The following ARHGAP6 variants were observed in gnomAD, a reference collection of about 807,000 sequenced individuals.
ARHGAP6 encodes rho GTPase-activating protein 6.
ARHGAP6 carries 16 observed loss-of-function variants against 55.7 expected under a neutral mutation model. The observed-to-expected ratio is 0.29, with a 90% CI of 0.19 to 0.44. The LOEUF is 0.44. Ranked by LOEUF, ARHGAP6 falls within the 20% of genes least tolerant of loss-of-function variation. ARHGAP6 has a pLI of 1.00. For missense variants in ARHGAP6, 698 were observed against 808.9 expected, an observed-to-expected ratio of 0.86 and a Z score of 1.66; for synonymous variants, 382 against 360.9, an observed-to-expected ratio of 1.06 and a Z score of -0.66.
At chrX:11,246,961 C>A (rs1288115400) in intron 2 of ARHGAP6, among the ~76,000 whole-genome samples, 2 of 112,071 alleles carry the variant, frequency 1.8e-5, no homozygotes, top group Non-Finnish European at 3.8e-5. Flanking sequence ...TATAAACACC[C>A]AATCTCAATT....
intron 1 of ARHGAP6, among the ~76,000 whole-genome samples, chrX:11,354,327 C>CTATATATATATATATA (rs1174449401): frequency 2.2e-4 from 7 of 32,344 alleles, no homozygotes; most frequent in African/African-American, 5.4e-4. Flanking sequence ...CTCTCTCTCT[C>CTATATATATATATATA]TATATATATA....
Position 11,370,147 on chromosome X carries a change from A to G in ARHGAP6, c.589-115440T>C, listed in dbSNP as rs73498720. Among the ~76,000 whole-genome samples the G allele has an allele frequency of 7.7e-3, 866 of 112,438 alleles. 11 individuals are homozygous for G. The highest frequency in any genetic ancestry group is 0.027 in the African/African-American group (824 of 31,005). On this transcript the variant is annotated intron_variant, in intron 1 of 12. Transcript: ENST00000337414. ...TACCAGAAGAAAGAGAATGAATATT[A>G]GAAAAATAGAAAAGTTTAATAGACC...
At chrX:11,443,048 C>T (rs768534615) in intron 1 of ARHGAP6, among the ~76,000 whole-genome samples, 1 of 111,486 alleles carries the variant, frequency 9.0e-6, no homozygotes, top group South Asian at 3.8e-4. Context: ...CAAAGTGAAC[C>T]CCCTGTATAA....
intron 1 of ARHGAP6, among the ~76,000 whole-genome samples, chrX:11,630,106 AAAGCTTTTGGG>A (rs1429645844): frequency 6.3e-5 from 7 of 111,263 alleles, no homozygotes; most frequent in African/African-American, 2.3e-4. Context: ...CAATGGGTGG[AAAGCTTTTGGG>A]ATAGGATCAA....
chrX:11,423,429 T>C (rs1314281836), intron 1 of ARHGAP6, among the ~76,000 whole-genome samples: 1 of 112,460 alleles, frequency 8.9e-6, no homozygotes, highest in Admixed American at 9.4e-5. Flanking sequence ...AGCTTGGCAC[T>C]TCTGGTGAGT....
chrX:11,174,550 C>CT (rs2046144837), intron 8 of ARHGAP6, among the ~76,000 whole-genome samples: 2 of 80,407 alleles, frequency 2.5e-5, no homozygotes, highest in African/African-American at 8.7e-5. Flanking sequence ...TCCTTCCTTC[C>CT]TTCCTTCCTT....
At chrX:11,385,456 G>A (rs1461674264) in intron 1 of ARHGAP6, among the ~76,000 whole-genome samples, 1 of 111,504 alleles carries the variant, frequency 9.0e-6, no homozygotes, top group Admixed American at 9.6e-5. Flanking sequence ...AATACATGGG[G>A]CAAATGAAGA....
rs751176571 is a variant in ARHGAP6, at chrX:11,664,495, TCTC to T, written c.331_333del (p.Glu111del). On this transcript the variant is annotated inframe_deletion, in exon 1 of 13. Coordinates refer to ENST00000337414, the MANE Select transcript of ARHGAP6 (RefSeq NM_013427.3). ...AAGTGAAAGCTGCCGGATGGTGACTTCTCCTGCGGGGTGCTGGGTGTGGAGAAG... is the reference window on the plus strand; with the variant it reads ...AAGTGAAAGCTGCCGGATGGTGACTTCTGCGGGGTGCTGGGTGTGGAGAAG... The T allele has an allele frequency of 9.0e-5, 109 of 1,206,789 alleles. No individual in the cohort carries two copies. In the African/African-American group the frequency reaches 1.7e-3, roughly 18 times the overall value.
At chrX:11,353,960 C>G (rs756489302) in intron 1 of ARHGAP6, among the ~76,000 whole-genome samples, 2 of 111,134 alleles carry the variant, frequency 1.8e-5, no homozygotes, top group South Asian at 3.9e-4. Flanking sequence ...CCCAAAAAGA[C>G]AGATAAATTG....
intron 1 of ARHGAP6, among the ~76,000 whole-genome samples, chrX:11,591,923 T>C (rs1478780688): frequency 8.9e-6 from 1 of 112,122 alleles, no homozygotes; most frequent in Non-Finnish European, 1.9e-5. Flanking sequence ...TTTCCTGTTC[T>C]TTTTTTACAC....
intron 4 of ARHGAP6, among the ~76,000 whole-genome samples, chrX:11,187,740 G>T (rs1032877425): frequency 8.9e-6 from 1 of 112,038 alleles, no homozygotes; most frequent in Non-Finnish European, 1.9e-5. Context: ...AGGTCTCCAC[G>T]TGACAGAGGA....
chrX:11,461,618 C>CG (rs1359389086), intron 1 of ARHGAP6, among the ~76,000 whole-genome samples: 1 of 112,159 alleles, frequency 8.9e-6, no homozygotes, highest in African/African-American at 3.2e-5. Flanking sequence ...TTTCATTCCC[C>CG]GGGCCTCTCT....
intron 1 of ARHGAP6, among the ~76,000 whole-genome samples, chrX:11,581,872 T>C (rs1162455472): frequency 9.0e-6 from 1 of 111,069 alleles, no homozygotes; most frequent in Non-Finnish European, 1.9e-5. Context: ...TATCTGTGAC[T>C]ATACTAAAAA....
intron 12 of ARHGAP6, among the ~76,000 whole-genome samples, chrX:11,140,664 C>T (rs867522945): frequency 9.1e-6 from 1 of 110,349 alleles, no homozygotes; most frequent in South Asian, 3.9e-4. Flanking sequence ...CCTCACCCCT[C>T]ACAGTCCACA....
At position 11,267,075 on chromosome X, in the gene ARHGAP6, C is replaced by T. The variant is rs182420242; in HGVS notation, c.589-12368G>A. On this transcript the variant is annotated intron_variant, in intron 1 of 12. Coordinates refer to ENST00000337414, the MANE Select transcript of ARHGAP6 (RefSeq NM_013427.3). ...ATCCTAAAAACTGATGTTGAAAATA[C>T]GCATTATTCCAGTAGACAGTCAACA... Among the ~76,000 whole-genome samples, 436 of 111,777 alleles carry T rather than the reference C, an allele frequency of 3.9e-3. 7 individuals carry two copies. The highest frequency in any genetic ancestry group is 0.034 in the Admixed American group (360 of 10,522).
Position 11,359,216 on chromosome X carries a change from C to T in ARHGAP6, c.589-104509G>A, listed in dbSNP as rs1030488674. 1.1e-4 allele frequency among the ~76,000 whole-genome samples: 12 copies of T among 112,000 alleles called. No individual in the cohort carries two copies. The Admixed American group carries it at 1.1e-3, about 11-fold the overall frequency. On this transcript the variant is annotated intron_variant, in intron 1 of 12. Coordinates refer to ENST00000337414, the MANE Select transcript of ARHGAP6 (RefSeq NM_013427.3). ...TGAATCTGTACAGAAACATTTTCTG[C>T]TCACTGTAAAATCTGGTAGTGCCAA... is the stretch of plus-strand genomic sequence containing the variant.
At chrX:11,336,834 T>C (rs759203583) in intron 1 of ARHGAP6, among the ~76,000 whole-genome samples, 1 of 112,041 alleles carries the variant, frequency 8.9e-6, no homozygotes, top group Non-Finnish European at 1.9e-5. Flanking sequence ...GCACAGCTTC[T>C]GCAGGCCACT....
At chrX:11,520,300 T>C (rs1281307896) in intron 1 of ARHGAP6, among the ~76,000 whole-genome samples, 4 of 102,149 alleles carry the variant, frequency 3.9e-5, no homozygotes, top group Non-Finnish European at 7.9e-5. Flanking sequence ...CTCCTAATGC[T>C]ATCCCTCCCC....
chrX:11,586,411 C>T (rs1440272835), intron 1 of ARHGAP6, among the ~76,000 whole-genome samples: 3 of 111,575 alleles, frequency 2.7e-5, no homozygotes, highest in African/African-American at 3.3e-5. Context: ...TATCCTAGCA[C>T]CATTTATTGA....
Sources: allele counts gnomAD v4.1 joint callset (sites outside exome capture counted in the v4.1 genomes callset), GRCh38; gene constraint gnomAD v4.1.1; transcripts MANE v1.5; gene names NCBI Gene and HGNC (gene_info 2026-07-23, HGNC 2026-07-21).